ABCA8: variants seen among roughly 807,000 people sequenced by gnomAD.
ABCA8 encodes the protein ABC-type organic anion transporter ABCA8.
A neutral mutation model predicts 192.3 loss-of-function variants in ABCA8; 177 were observed. That is an observed-to-expected ratio of 0.92 (90% confidence interval 0.81 to 1.04). The LOEUF (loss-of-function observed/expected upper bound fraction) is 1.04, where lower values mean the gene tolerates loss of function less well. Ranked by LOEUF, ABCA8 falls within the 50% of genes least tolerant of loss-of-function variation. ABCA8 has a pLI of 0.00. For missense variants in ABCA8, 1,915 were observed against 1,904.8 expected, an observed-to-expected ratio of 1.01 and a Z score of -0.10; for synonymous variants, 642 against 690.2, an observed-to-expected ratio of 0.93 and a Z score of 1.09.
chr17:68,891,102 A>G (rs2143383197), intron 24 of ABCA8, among the ~76,000 whole-genome samples: 1 of 152,330 alleles, frequency 6.6e-6, no homozygotes, highest in African/African-American at 2.4e-5. Flanking sequence ...ATCAATTGAT[A>G]TATGTGTGGG....
chr17:68,942,788 G>A (rs1400058843), intron 2 of ABCA8, among the ~76,000 whole-genome samples: 2 of 152,000 alleles, frequency 1.3e-5, no homozygotes, highest in African/African-American at 4.8e-5. Flanking sequence ...AAGCCCTCTT[G>A]AGCTCTCAGT....
rs1023881024 is a variant in ABCA8 at position 68,875,375 on chromosome 17, T to C, written c.4516A>G (p.Lys1506Glu). 1 of 1,614,032 alleles carries C rather than the reference T, an allele frequency of 6.2e-7. No homozygotes were observed. Among genetic ancestry groups the C allele is most frequent in the African/African-American group, 1.3e-5 (1 of 74,908 alleles). The change falls in exon 37 of 40, where the codon AAA (lysine) becomes GAA (glutamate). Residue 1506 changes from lysine (K) to glutamate (E), a missense_variant. By Grantham distance (56) the Lys-to-Glu change is moderately conservative (BLOSUM62 1). Transcript: ENST00000586539. The stretch of plus-strand genomic sequence containing the variant: ...AGGTAATCTTTGCCAAATTTGCTTT[T>C]CAGGTGTTGGATGGAACCGATACAT... ...LRCIGSIQHL[K>E]SKFGKDYLLE...
At chr17:68,918,268 T>C (rs2067435257) in intron 15 of ABCA8, 83 bp from the exon 16 acceptor site, 1 of 1,557,806 alleles carries the variant, frequency 6.4e-7, no homozygotes, top group African/African-American at 1.4e-5. Context: ...ATATTGATTA[T>C]ATTTAACAGA....
chr17:68,918,660 G>C, intron 14 of ABCA8, 114 bp from the exon 15 acceptor site: 1 of 1,103,052 alleles, frequency 9.1e-7, no homozygotes, highest in South Asian at 1.8e-5. Context: ...TGGGTCAGGC[G>C]CGGTGGCTCA....
At chr17:68,902,484 G>T in intron 21 of ABCA8, among the ~76,000 whole-genome samples, 1 of 152,072 alleles carries the variant, frequency 6.6e-6, no homozygotes, top group East Asian at 1.9e-4. Context: ...ATGCTATTTT[G>T]GTACAAACGC....
chr17:68,910,420 G>C (rs2067203885), intron 17 of ABCA8, among the ~76,000 whole-genome samples: 1 of 152,116 alleles, frequency 6.6e-6, no homozygotes, highest in Non-Finnish European at 1.5e-5. Flanking sequence ...GCCCACAGAG[G>C]GAGCATTTAG....
At chr17:68,953,822 C>T (rs1222714294) in intron 1 of ABCA8, among the ~76,000 whole-genome samples, 1 of 152,018 alleles carries the variant, frequency 6.6e-6, no homozygotes, top group East Asian at 1.9e-4. Flanking sequence ...CTACTCCTAC[C>T]GGGGGTAGAG....
chr17:68,928,109 A>G (rs1291895030), intron 9 of ABCA8, 46 bp from the exon 10 acceptor site: 1 of 1,447,562 alleles, frequency 6.9e-7, no homozygotes, highest in Non-Finnish European at 9.4e-7. Flanking sequence ...GGTATAAGAT[A>G]CATTTTAAAC....
intron 37 of ABCA8, 86 bp downstream of exon 37, chr17:68,875,174 T>C (rs1475246706): frequency 6.4e-7 from 1 of 1,551,704 alleles, no homozygotes; most frequent in Non-Finnish European, 8.8e-7. Flanking sequence ...TCTTTTAGGT[T>C]TTCCTTTTGA....
chr17:68,922,513 A>G (rs2067572942), intron 11 of ABCA8, among the ~76,000 whole-genome samples: 1 of 151,906 alleles, frequency 6.6e-6, no homozygotes, highest in African/African-American at 2.4e-5. Context: ...ACATGTGAGG[A>G]GTTATAAGAA....
intron 21 of ABCA8, among the ~76,000 whole-genome samples, chr17:68,900,569 G>T (rs1312066161): frequency 6.8e-6 from 1 of 146,184 alleles, no homozygotes; most frequent in Non-Finnish European, 1.5e-5. Flanking sequence ...AGAAGTGCAG[G>T]GAACATTTGC....
chr17:68,920,847 T>C (rs971503822), intron 13 of ABCA8, among the ~76,000 whole-genome samples: 17 of 152,224 alleles, frequency 1.1e-4, no homozygotes, highest in African/African-American at 4.1e-4. Flanking sequence ...ATCCCATTAC[T>C]GGGTATATAC....
chr17:68,950,404 A>G (rs901565416), intron 1 of ABCA8, among the ~76,000 whole-genome samples: 1 of 152,226 alleles, frequency 6.6e-6, no homozygotes, highest in African/African-American at 2.4e-5. Context: ...AGCAAAAAGA[A>G]CAAAGCTGGA....
chr17:68,891,633 A>G, intron 23 of ABCA8, 37 bp from the exon 24 acceptor site: 1 of 1,466,612 alleles, frequency 6.8e-7, no homozygotes, highest in African/African-American at 1.4e-5. Context: ...CTGAATGAAG[A>G]AATTTAAAGT....
At chr17:68,875,429 GA>G (rs4148027) in intron 36 of ABCA8, 29 bp from the exon 37 acceptor site, 2,179 of 1,469,098 alleles carry the variant, frequency 1.5e-3, no homozygotes, top group Non-Finnish European at 1.8e-3. Flanking sequence ...TGAGAAAGGA[GA>G]AAAAAAAAAC....
chr17:68,894,114 GT>G, intron 23 of ABCA8, 58 bp downstream of exon 23: 1 of 1,565,646 alleles, frequency 6.4e-7, no homozygotes, highest in Non-Finnish European at 8.8e-7. Context: ...ACTTAAAAGG[GT>G]GATCTGGGAG....
At chr17:68,946,047 C>T (rs1380117365) in intron 2 of ABCA8, among the ~76,000 whole-genome samples, 1 of 144,514 alleles carries the variant, frequency 6.9e-6, no homozygotes, top group Non-Finnish European at 1.5e-5. Flanking sequence ...TAGCTTTTTA[C>T]CAAAATTAAT....
intron 17 of ABCA8, among the ~76,000 whole-genome samples, chr17:68,914,713 C>T (rs1010997973): frequency 4.6e-5 from 7 of 152,060 alleles, no homozygotes; most frequent in Non-Finnish European, 4.4e-5. Context: ...AATGTTCATA[C>T]TACCCAAAGC....
At chr17:68,899,644 C>A (rs891362735) in intron 21 of ABCA8, among the ~76,000 whole-genome samples, 3 of 152,080 alleles carry the variant, frequency 2.0e-5, no homozygotes, top group Non-Finnish European at 4.4e-5. Context: ...CCCACAACAG[C>A]AGAATGCACA....
Sources: gnomAD v4.1 joint callset for allele counts (sites outside exome capture counted in the v4.1 genomes callset) on GRCh38, gnomAD v4.1.1 for gene constraint, MANE v1.5 for transcripts, NCBI Gene and HGNC (gene_info 2026-07-23, HGNC 2026-07-21) for gene names.